PATJ: variants seen among roughly 807,000 people sequenced by gnomAD.
PATJ encodes inaD-like protein.
A neutral mutation model predicts 224.9 loss-of-function variants in PATJ; 190 were observed. That is an observed-to-expected ratio of 0.84 (90% CI 0.75 to 0.95). The LOEUF is 0.95. Ranked by LOEUF, PATJ falls within the 40% of genes least tolerant of loss-of-function variation. The pLI is 0.00. For synonymous variants in PATJ, 769 were observed against 820.3 expected (o/e 0.94, Z 1.07); for missense variants, 2,121 against 2,270.3 (o/e 0.93, Z 1.34).
intron 31 of PATJ, among the ~76,000 whole-genome samples, chr1:62,063,421 T>C (rs1366692109): frequency 6.6e-6 from 1 of 152,206 alleles, no homozygotes; most frequent in Non-Finnish European, 1.5e-5. Flanking sequence ...TATAGTATAG[T>C]TTGAAGTCAG....
At chr1:61,877,536 T>C (rs1376697779) in intron 21 of PATJ, among the ~76,000 whole-genome samples, 1 of 151,972 alleles carries the variant, frequency 6.6e-6, no homozygotes, top group Non-Finnish European at 1.5e-5. Context: ...TCTGTTCTCA[T>C]GATAGTGAGT....
intron 32 of PATJ, among the ~76,000 whole-genome samples, chr1:62,079,944 C>G (rs1308767002): frequency 1.3e-5 from 2 of 151,564 alleles, no homozygotes; most frequent in African/African-American, 4.9e-5. Context: ...AGGAGAATCG[C>G]CTGAACCCAG....
intron 17 of PATJ, among the ~76,000 whole-genome samples, chr1:61,846,716 C>CTA (rs1662021456): frequency 6.6e-6 from 1 of 152,148 alleles, no homozygotes; most frequent in Non-Finnish European, 1.5e-5. Flanking sequence ...CCTGCCTCAG[C>CTA]CTCGCGAGTA....
At chr1:61,963,363 G>A (rs1190795541) in intron 27 of PATJ, among the ~76,000 whole-genome samples, 1 of 148,778 alleles carries the variant, frequency 6.7e-6, no homozygotes, top group Non-Finnish European at 1.5e-5. Flanking sequence ...GGGAGGCCAA[G>A]GCAGGTAGAT....
chr1:62,158,200 C>G (rs1669440631), intron 43 of PATJ, among the ~76,000 whole-genome samples: 1 of 149,432 alleles, frequency 6.7e-6, no homozygotes, highest in Non-Finnish European at 1.5e-5. Context: ...GGTTTTCAAG[C>G]CATGCATTTA....
chr1:62,064,122 T>A (rs1656007520), intron 31 of PATJ, among the ~76,000 whole-genome samples: 1 of 152,206 alleles, frequency 6.6e-6, no homozygotes, highest in African/African-American at 2.4e-5. Flanking sequence ...AATCAATATG[T>A]TGGCTGTGAG....
intron 28 of PATJ, among the ~76,000 whole-genome samples, chr1:61,996,650 C>T (rs1215872754): frequency 2.6e-5 from 4 of 151,312 alleles, no homozygotes; most frequent in Non-Finnish European, 5.9e-5. Context: ...GTTTGAGGAA[C>T]AGGAAGAAGA....
chr1:61,762,785 C>CTTAA (rs1457325014), intron 1 of PATJ, 73 bp from the exon 2 acceptor site: 3 of 651,290 alleles, frequency 4.6e-6, no homozygotes, highest in African/African-American at 3.8e-5. Context: ...TGAGGTTTTC[C>CTTAA]TTAATTTTTC....
chr1:61,785,306 A>G (rs946997858), intron 7 of PATJ, among the ~76,000 whole-genome samples: 11 of 152,142 alleles, frequency 7.2e-5, no homozygotes, highest in African/African-American at 2.4e-4. Context: ...TTTCTTGGAG[A>G]ATAGGAAAGC....
intron 17 of PATJ, among the ~76,000 whole-genome samples, chr1:61,836,786 C>A (rs1328356753): frequency 6.6e-6 from 1 of 152,184 alleles, no homozygotes; most frequent in Non-Finnish European, 1.5e-5. Context: ...AGGCCACGTC[C>A]CTGGCTATTA....
At position 61,766,426 on chromosome 1, in the gene PATJ, A is replaced by T; in HGVS notation, c.337A>T (p.Lys113Ter). ...TVSGLFPWTP[K>*]LGNEDFNSVI... ...ATCTGGGTTATTTCCGTGGACCCCG[A>T]AGTTGGGAAATGAAGACTTTAACTC... Residue 113 changes from lysine (K) to a stop codon, truncating the protein, a stop_gained, in exon 4 of 44, where the codon AAG (lysine) becomes TAG (stop). Coordinates refer to ENST00000642238, the MANE Select transcript of PATJ (RefSeq NM_001350145.3). LOFTEE classifies it high-confidence loss of function. 6.2e-7 allele frequency: 1 copy of T among 1,610,350 alleles called. No individual in the cohort carries two copies. The highest frequency in any genetic ancestry group is 8.5e-7 in the Non-Finnish European group (1 of 1,179,040).
intron 17 of PATJ, among the ~76,000 whole-genome samples, chr1:61,854,120 C>T (rs1424804799): frequency 6.6e-6 from 1 of 152,190 alleles, no homozygotes; most frequent in African/African-American, 2.4e-5. Context: ...CAGAAAACTT[C>T]AAAAGAATCA....
rs78607376 is a variant in PATJ at position 62,119,326 on chromosome 1, A to G, written c.4891-1855A>G. ...CCCTGGTGGGCAAAAACAAGATTCC[A>G]TTGCCAAACATTTTTACATCCAGAC... On this transcript the variant is annotated intron_variant, in intron 37 of 43. Coordinates refer to ENST00000642238, the MANE Select transcript of PATJ (RefSeq NM_001350145.3). Among the ~76,000 whole-genome samples, 465 of 152,282 alleles carry G rather than the reference A, an allele frequency of 3.1e-3. 17 individuals carry two copies. The East Asian group carries it at 0.079, about 26-fold the overall frequency.
chr1:61,756,663 C>A (rs1645661248), intron 1 of PATJ, among the ~76,000 whole-genome samples: 2 of 148,768 alleles, frequency 1.3e-5, no homozygotes, highest in Admixed American at 6.8e-5. Flanking sequence ...ACTGCAACCT[C>A]TGCCTCCCGG....
chr1:62,158,050 C>A (rs996824274), intron 43 of PATJ, among the ~76,000 whole-genome samples: 4 of 148,778 alleles, frequency 2.7e-5, no homozygotes, highest in Non-Finnish European at 4.5e-5. Flanking sequence ...TGAGTAAATG[C>A]CATATGTCAT....
At chr1:61,757,860 C>T (rs1051769421) in intron 1 of PATJ, among the ~76,000 whole-genome samples, 1 of 151,980 alleles carries the variant, frequency 6.6e-6, no homozygotes, top group Non-Finnish European at 1.5e-5. Flanking sequence ...CTATGTTGAC[C>T]ATGCTGATGT....
In PATJ at chr1:61,752,006, GTCA is replaced by G. The variant is rs540012553; in HGVS notation, c.-36+9453_-36+9455del. Among the ~76,000 whole-genome samples the G allele has an allele frequency of 2.0e-3, 303 of 151,678 alleles. 1 individual carries two copies. The highest frequency in any genetic ancestry group is 3.4e-3 in the Admixed American group (51 of 15,198). On this transcript the variant is annotated intron_variant, in intron 1 of 43. Transcript: ENST00000642238. ...ATACAAAATTAGCCCAGCGTGGTGG[GTCA>G]TACCTGTAATCCCAGCTACTCAGGA...
At chr1:61,808,343 T>C (rs1406810409) in intron 13 of PATJ, 131 bp from the exon 14 acceptor site, 21 of 655,274 alleles carry the variant, frequency 3.2e-5, no homozygotes, top group Non-Finnish European at 5.5e-5. Context: ...ATTTCAAAAA[T>C]ATAAGAAAGG....
chr1:61,882,403 A>G (rs1668228136), intron 21 of PATJ, among the ~76,000 whole-genome samples: 1 of 152,216 alleles, frequency 6.6e-6, no homozygotes, highest in Admixed American at 6.5e-5. Flanking sequence ...GTGTGTTCCT[A>G]GAGGATAAAT....
Sources: allele counts gnomAD v4.1 joint callset (sites outside exome capture counted in the v4.1 genomes callset), GRCh38; gene constraint gnomAD v4.1.1; transcripts MANE v1.5; gene names NCBI Gene and HGNC (gene_info 2026-07-23, HGNC 2026-07-21).